The following ARHGAP26 variants were observed in gnomAD, a reference collection of about 807,000 sequenced individuals.
ARHGAP26 encodes the protein Rho GTPase activating protein 26.
Under a neutral mutation model 104.8 loss-of-function variants are expected in ARHGAP26, and 38 were observed. The observed-to-expected ratio is 0.36, with a 90% CI of 0.28 to 0.48. The LOEUF (loss-of-function observed/expected upper bound fraction) is 0.48. ARHGAP26 is among the 20% of genes least tolerant of loss of function. The pLI is 0.99. For synonymous variants in ARHGAP26, 341 were observed against 340.0 expected (o/e 1.00, Z -0.03); for missense variants, 704 against 947.9 (o/e 0.74, Z 3.38).
Position 142,962,772 on chromosome 5 carries a change from A to G in ARHGAP26, c.1107+30647A>G, listed in dbSNP as rs570258353. On this transcript the variant is annotated intron_variant, in intron 11 of 22. Coordinates refer to ENST00000645722, the MANE Select transcript of ARHGAP26 (RefSeq NM_001135608.3). The stretch of plus-strand genomic sequence containing the variant: ...GAGGGTGGGCACAACTTTTTCCACA[A>G]TGAGAGGCAGCTTAACTCTTGTTTG... Among the ~76,000 whole-genome samples, 16 of 152,278 alleles carry G rather than the reference A, an allele frequency of 1.1e-4. 1 individual carries two copies. Among genetic ancestry groups the G allele is most frequent in the South Asian group, 6.2e-4 (3 of 4,820 alleles).
intron 20 of ARHGAP26, among the ~76,000 whole-genome samples, chr5:143,174,597 A>G (rs1010109): frequency 0.15 from 22,311 of 152,152 alleles, 1,733 homozygotes; most frequent in Non-Finnish European, 0.16. Context: ...ATTCCAAGCA[A>G]TAGATTAATG....
chr5:143,096,818 C>G (rs1235246913), intron 17 of ARHGAP26, among the ~76,000 whole-genome samples: 1 of 152,092 alleles, frequency 6.6e-6, no homozygotes, highest in Non-Finnish European at 1.5e-5. Flanking sequence ...CATGGAACCC[C>G]TGAAGGGTGT....
intron 19 of ARHGAP26, among the ~76,000 whole-genome samples, chr5:143,135,140 A>G (rs1398726047): frequency 2.0e-5 from 3 of 152,252 alleles, no homozygotes; most frequent in Non-Finnish European, 4.4e-5. Flanking sequence ...AGGTAGCAGA[A>G]CACAGTGGTT....
intron 1 of ARHGAP26, among the ~76,000 whole-genome samples, chr5:142,807,519 A>C (rs1479781022): frequency 6.6e-6 from 1 of 152,214 alleles, no homozygotes; most frequent in Non-Finnish European, 1.5e-5. Context: ...CATGCTTAGC[A>C]AAACCTCCCT....
intron 17 of ARHGAP26, among the ~76,000 whole-genome samples, chr5:143,097,360 GAAAAA>G (rs56116431): frequency 1.3e-3 from 84 of 63,258 alleles, no homozygotes; most frequent in African/African-American, 1.7e-3. Flanking sequence ...TCAAAAAAAA[GAAAAA>G]AAAAAAAAAA....
chr5:143,005,478 A>G (rs1045593201), intron 11 of ARHGAP26, among the ~76,000 whole-genome samples: 2 of 152,212 alleles, frequency 1.3e-5, no homozygotes, highest in Non-Finnish European at 2.9e-5. Context: ...AAACCTGAAG[A>G]TGGAGTTGGG....
intron 17 of ARHGAP26, among the ~76,000 whole-genome samples, chr5:143,060,015 A>G (rs1786473964): frequency 6.6e-6 from 1 of 152,248 alleles, no homozygotes; most frequent in Non-Finnish European, 1.5e-5. Context: ...TTTGGCATCC[A>G]GAGGAGTTCT....
Position 143,182,739 on chromosome 5 carries a change from G to C in ARHGAP26, c.1989-24459G>C, listed in dbSNP as rs35596823. Among the ~76,000 whole-genome samples the C allele has an allele frequency of 3.4e-3, 525 of 152,252 alleles. 3 individuals carry two copies. Among genetic ancestry groups the C allele is most frequent in the African/African-American group, 0.012 (507 of 41,524 alleles). On this transcript the variant is annotated intron_variant, in intron 20 of 22. Transcript: ENST00000645722. ...TAAAGACAAATCCCTTGCTCTATGT[G>C]TGTGGTGGCCTGGCCATGCCAGTTC...
chr5:142,899,476 G>A (rs567437738), intron 6 of ARHGAP26, among the ~76,000 whole-genome samples: 4 of 152,294 alleles, frequency 2.6e-5, no homozygotes, highest in East Asian at 1.9e-4. Flanking sequence ...ACAGGGAGGC[G>A]GGAAAGATCT....
intron 6 of ARHGAP26, among the ~76,000 whole-genome samples, chr5:142,900,042 C>T (rs1554143878): frequency 4.6e-5 from 7 of 152,168 alleles, no homozygotes; most frequent in Non-Finnish European, 7.3e-5. Flanking sequence ...ATTCTCAAGT[C>T]AGGGGTAGTG....
At chr5:142,805,746 G>A (rs1230744838) in intron 1 of ARHGAP26, among the ~76,000 whole-genome samples, 1 of 152,206 alleles carries the variant, frequency 6.6e-6, no homozygotes, top group Admixed American at 6.5e-5. Flanking sequence ...AAGGTGCTCT[G>A]GAGTTAGCCA....
chr5:142,840,717 C>A (rs570434813), intron 1 of ARHGAP26, among the ~76,000 whole-genome samples: 1 of 152,242 alleles, frequency 6.6e-6, no homozygotes, highest in African/African-American at 2.4e-5. Flanking sequence ...TCTCTGAGGT[C>A]CTGGTGTGTG....
At chr5:143,032,358 G>A (rs1256077503) in intron 12 of ARHGAP26, among the ~76,000 whole-genome samples, 1 of 152,170 alleles carries the variant, frequency 6.6e-6, no homozygotes, top group African/African-American at 2.4e-5. Flanking sequence ...CAGGTCCTGC[G>A]ACAACTCATC....
In ARHGAP26 at chr5:143,227,627, C is replaced by G. The variant is rs1811772204; in HGVS notation, c.*5181C>G. 1 of 229,458 alleles carries G rather than the reference C, an allele frequency of 4.4e-6. No homozygotes were observed. Among genetic ancestry groups the G allele is most frequent in the Admixed American group, 5.7e-5 (1 of 17,638 alleles). The allele number at this position is 229,458 out of a possible 1,614,324, so 14.2% of individuals were successfully genotyped here. The stretch of plus-strand genomic sequence containing the variant: ...TTTTTTTCTCCTGCCGCCTACAGTA[C>G]CTGTCTAACTAAAGAGCTTCCCAAA... On this transcript the variant is annotated 3_prime_UTR_variant, in exon 23 of 23. Transcript: ENST00000645722.
chr5:142,996,165 A>G (rs896368357), intron 11 of ARHGAP26, among the ~76,000 whole-genome samples: 6 of 152,208 alleles, frequency 3.9e-5, no homozygotes, highest in African/African-American at 7.2e-5. Flanking sequence ...CTTTCTGCAC[A>G]TGTATCCCAG....
intron 11 of ARHGAP26, among the ~76,000 whole-genome samples, chr5:142,980,613 T>C (rs1219797841): frequency 2.0e-5 from 3 of 152,124 alleles, no homozygotes; most frequent in Non-Finnish European, 4.4e-5. Flanking sequence ...GGTCTCGAAC[T>C]CCTGACCTCA....
At chr5:143,166,505 T>C (rs964809461) in intron 20 of ARHGAP26, among the ~76,000 whole-genome samples, 2 of 152,162 alleles carry the variant, frequency 1.3e-5, no homozygotes, top group African/African-American at 4.8e-5. Context: ...TTCTCAGTGC[T>C]CCCCTCTGGC....
chr5:143,167,528 T>G, intron 20 of ARHGAP26, among the ~76,000 whole-genome samples: 1 of 142,604 alleles, frequency 7.0e-6, no homozygotes, highest in Non-Finnish European at 1.5e-5. Flanking sequence ...AGAAATCCAT[T>G]GTTTGTAATA....
intron 11 of ARHGAP26, among the ~76,000 whole-genome samples, chr5:142,987,721 G>A (rs1477894363): frequency 6.6e-6 from 1 of 152,126 alleles, no homozygotes; most frequent in African/African-American, 2.4e-5. Flanking sequence ...GTTGAATTTT[G>A]TCAAAGGCCT....
Sources: allele counts gnomAD v4.1 joint callset (sites outside exome capture counted in the v4.1 genomes callset), GRCh38; gene constraint gnomAD v4.1.1; transcripts MANE v1.5; gene names NCBI Gene and HGNC (gene_info 2026-07-23, HGNC 2026-07-21).